Variants in ATXN1 observed in about 807,000 individuals in gnomAD.
The protein encoded by ATXN1 is ataxin-1.
Under a neutral mutation model 56.4 loss-of-function variants are expected in ATXN1, and 8 were observed. The ratio of observed to expected loss-of-function variants is 0.14; its 90% CI spans 0.08 to 0.26. The LOEUF is 0.26. Among genes scored for constraint, ATXN1 ranks in the 10% least tolerant of loss-of-function variants. ATXN1 has a pLI of 1.00. For synonymous variants in ATXN1, 514 were observed against 494.6 expected, an observed-to-expected ratio of 1.04 and a Z score of -0.52; for missense variants, 987 against 1,106.5, an observed-to-expected ratio of 0.89 and a Z score of 1.53.
intron 5 of ATXN1, among the ~76,000 whole-genome samples, chr6:16,503,627 C>T (rs532902664): frequency 9.1e-4 from 138 of 152,160 alleles, no homozygotes; most frequent in Non-Finnish European, 1.6e-3. Flanking sequence ...CAGAGTAACA[C>T]AAGCACAGAA....
chr6:16,538,974 C>T (rs555683808), intron 4 of ATXN1, among the ~76,000 whole-genome samples: 9 of 152,348 alleles, frequency 5.9e-5, no homozygotes, highest in African/African-American at 1.9e-4. Flanking sequence ...GCATGAGTCA[C>T]TGCGCCCAGC....
At position 16,644,508 on chromosome 6, in the gene ATXN1, C is replaced by T. The variant is rs551074233; in HGVS notation, c.-489+13268G>A. 8.7e-4 allele frequency among the ~76,000 whole-genome samples: 104 copies of T among 119,810 alleles called. 1 individual carries two copies. The highest frequency in any genetic ancestry group is 1.5e-3 in the Non-Finnish European group (87 of 59,944). The allele number at this position is 119,810 out of a possible 152,430, so 78.6% of individuals were successfully genotyped here. On this transcript the variant is annotated intron_variant, in intron 3 of 7. Transcript: ENST00000436367. ...CCAGCCTGGCGACAGAGCAAGACTC[C>T]GTTTCAAAAAAAAAAAAAAAAAGGT... is the stretch of plus-strand genomic sequence containing the variant.
chr6:16,653,409 G>A (rs571905360), intron 3 of ATXN1, among the ~76,000 whole-genome samples: 2 of 152,334 alleles, frequency 1.3e-5, no homozygotes, highest in South Asian at 2.1e-4. Context: ...CAGCGGGACC[G>A]CTCTTCTGCC....
chr6:16,544,073 T>C (rs1377511002), intron 4 of ATXN1, among the ~76,000 whole-genome samples: 1 of 152,190 alleles, frequency 6.6e-6, no homozygotes, highest in Non-Finnish European at 1.5e-5. Context: ...GAGCAAGTCA[T>C]AGCTCTCCTC....
intron 3 of ATXN1, among the ~76,000 whole-genome samples, chr6:16,629,293 C>G (rs987002772): frequency 3.3e-5 from 5 of 152,128 alleles, no homozygotes; most frequent in Non-Finnish European, 7.4e-5. Context: ...CTGTTCATGT[C>G]CTTTGCTCAC....
chr6:16,423,024 A>G lies in ATXN1; in HGVS notation c.-161+62948T>C, dbSNP rs991888876. Among the ~76,000 whole-genome samples the G allele has an allele frequency of 1.7e-4, 26 of 152,270 alleles. 1 individual carries two copies. The highest frequency in any genetic ancestry group is 1.6e-3 in the Admixed American group (24 of 15,292). ...TTTCAGAAAGGGAACTCTAGAATTC[A>G]TTTTTCATAAAGGGACAGTCAGTGG... On this transcript the variant is annotated intron_variant, in intron 6 of 7. Coordinates refer to ENST00000436367, the MANE Select transcript of ATXN1 (RefSeq NM_001128164.2).
At chr6:16,455,544 A>T (rs1416654120) in intron 6 of ATXN1, among the ~76,000 whole-genome samples, 1 of 151,952 alleles carries the variant, frequency 6.6e-6, no homozygotes, top group African/African-American at 2.4e-5. Flanking sequence ...TTAACATGCA[A>T]TGTGGCAAGC....
At chr6:16,485,894 C>G (rs1376095896) in intron 6 of ATXN1, 78 bp downstream of exon 6, 1 of 152,156 alleles carries the variant, frequency 6.6e-6, no homozygotes, top group Non-Finnish European at 1.5e-5. Context: ...CCTTCAACAC[C>G]TGGCTCGGTT....
At chr6:16,353,647 C>T (rs893243380) in intron 6 of ATXN1, among the ~76,000 whole-genome samples, 1 of 152,166 alleles carries the variant, frequency 6.6e-6, no homozygotes, top group Non-Finnish European at 1.5e-5. Flanking sequence ...GCACTCCAGC[C>T]TGGACGACAG....
chr6:16,378,226 A>G (rs563613654), intron 6 of ATXN1, among the ~76,000 whole-genome samples: 4 of 152,318 alleles, frequency 2.6e-5, no homozygotes, highest in Admixed American at 1.3e-4. Flanking sequence ...ACATTAACTG[A>G]TTGTACCACT....
intron 6 of ATXN1, among the ~76,000 whole-genome samples, chr6:16,453,744 C>T (rs1048142323): frequency 8.5e-5 from 13 of 152,142 alleles, no homozygotes; most frequent in African/African-American, 2.9e-4. Context: ...ACTGTCTACA[C>T]ATAAATTTAT....
chr6:16,363,364 T>C (rs1251064920), intron 6 of ATXN1, among the ~76,000 whole-genome samples: 1 of 152,258 alleles, frequency 6.6e-6, no homozygotes, highest in Non-Finnish European at 1.5e-5. Flanking sequence ...TCCTGTCTAG[T>C]AATAACTGCT....
chr6:16,455,508 A>G (rs1231114618), intron 6 of ATXN1, among the ~76,000 whole-genome samples: 5 of 152,216 alleles, frequency 3.3e-5, no homozygotes, highest in African/African-American at 1.2e-4. Flanking sequence ...ACAGTTTGGC[A>G]GTTTCCTACA....
chr6:16,496,369 C>T (rs988217247), intron 5 of ATXN1, among the ~76,000 whole-genome samples: 6 of 152,280 alleles, frequency 3.9e-5, no homozygotes, highest in African/African-American at 4.8e-5. Context: ...ATGTGGGTTA[C>T]GCAGGGCCGG....
At position 16,327,083 on chromosome 6, in the gene ATXN1, G is replaced by A. The variant is rs373930833; in HGVS notation, c.1228C>T (p.Leu410Phe). The A allele has an allele frequency of 2.5e-6, 4 of 1,613,842 alleles. No individual in the cohort carries two copies. Among genetic ancestry groups the A allele is most frequent in the Non-Finnish European group, 3.4e-6 (4 of 1,180,026 alleles). ...AAATGCAGGCCACTTTTGTCGTTGA[G>A]GGTAGAAGGGGAGGCTTCACGATGA... ...ATHREASPST[L>F]NDKSGLHLGK... The change falls in exon 7 of 8, where the codon CTC (leucine) becomes TTC (phenylalanine). Residue 410 changes from leucine (L) to phenylalanine (F), a missense_variant. Leu to Phe is a conservative substitution (Grantham distance 22). Transcript: ENST00000436367.
At chr6:16,476,848 A>G (rs1227487912) in intron 6 of ATXN1, among the ~76,000 whole-genome samples, 1 of 152,220 alleles carries the variant, frequency 6.6e-6, no homozygotes. Flanking sequence ...AGAAGGAGTG[A>G]ATATACCTTC....
In ATXN1 at chr6:16,491,258, A is replaced by AATT. The variant is rs71535082; in HGVS notation, c.-298-5152_-298-5150dup. ...TAGGCATATGCCACCACACCTGGCT[A>AATT]ATTATTATTATTATTATTATTTTTT... On this transcript the variant is annotated intron_variant, in intron 5 of 7. Transcript: ENST00000436367. Among the ~76,000 whole-genome samples the AATT allele has an allele frequency of 9.5e-3, 1,020 of 107,372 alleles. 9 individuals carry two copies. The highest frequency in any genetic ancestry group is 0.02 in the African/African-American group (538 of 27,110). The allele number at this position is 107,372 out of a possible 152,430, so 70.4% of individuals were successfully genotyped here.
intron 3 of ATXN1, among the ~76,000 whole-genome samples, chr6:16,612,630 A>T (rs7748113): frequency 6.6e-6 from 1 of 152,112 alleles, no homozygotes; most frequent in African/African-American, 2.4e-5. Flanking sequence ...GGTGGCTCAC[A>T]CCTTTGTAAT....
At chr6:16,350,094 C>G (rs1213078973) in intron 6 of ATXN1, among the ~76,000 whole-genome samples, 1 of 152,158 alleles carries the variant, frequency 6.6e-6, no homozygotes, top group Non-Finnish European at 1.5e-5. Flanking sequence ...GCTGTAGGCA[C>G]CAATGACTGT....
Sources: allele counts gnomAD v4.1 joint callset (sites outside exome capture counted in the v4.1 genomes callset), GRCh38; gene constraint gnomAD v4.1.1; transcripts MANE v1.5; gene names NCBI Gene and HGNC (gene_info 2026-07-23, HGNC 2026-07-21).